MAP3K5: variants seen among roughly 807,000 people sequenced by gnomAD.
MAP3K5 encodes the protein ASK-1.
MAP3K5 carries 56 observed loss-of-function variants against 158.7 expected under a neutral mutation model. The ratio of observed to expected loss-of-function variants is 0.35; its 90% confidence interval spans 0.28 to 0.44. MAP3K5 has a LOEUF of 0.44. MAP3K5 is among the 20% of genes least tolerant of loss of function. The probability of loss-of-function intolerance (pLI) is 1.00; values close to 1 mark genes in which losing one functional copy is unlikely to be tolerated. For missense variants in MAP3K5, 1,294 were observed against 1,674.8 expected (o/e 0.77, Z 3.97); for synonymous variants, 579 against 601.7 (o/e 0.96, Z 0.55).
intron 3 of MAP3K5, among the ~76,000 whole-genome samples, chr6:136,704,198 A>G (rs531186416): frequency 6.6e-6 from 1 of 152,332 alleles, no homozygotes; most frequent in East Asian, 1.9e-4. Flanking sequence ...ATAGATAAAG[A>G]TATCTATATA....
chr6:136,622,413 C>T (rs1450209232), intron 15 of MAP3K5, among the ~76,000 whole-genome samples: 1 of 152,178 alleles, frequency 6.6e-6, no homozygotes, highest in Non-Finnish European at 1.5e-5. Context: ...CAGCTGCCTC[C>T]CTTGCAACTT....
chr6:136,606,658 T>C (rs1006160862), intron 18 of MAP3K5, among the ~76,000 whole-genome samples: 12 of 152,190 alleles, frequency 7.9e-5, no homozygotes, highest in African/African-American at 2.7e-4. Flanking sequence ...ACAAATAATA[T>C]AGTCAGCAAA....
rs372061069 is a variant in MAP3K5, at chr6:136,651,695, A to G, written c.1681-604T>C. 2.6e-5 allele frequency among the ~76,000 whole-genome samples: 4 copies of G among 152,284 alleles called. No homozygotes were observed. In the East Asian group the frequency reaches 5.8e-4, roughly 22 times the overall value. On this transcript the variant is annotated intron_variant, in intron 10 of 29. Transcript: ENST00000359015. ...GATGAAACTGGCGTCTTCAATAATG[A>G]TACATTTAGCCTTGTAAGAGAAAAA...
At chr6:136,686,710 T>A (rs1407345092) in intron 7 of MAP3K5, among the ~76,000 whole-genome samples, 1 of 152,046 alleles carries the variant, frequency 6.6e-6, no homozygotes, top group Admixed American at 6.5e-5. Context: ...GGAATACAAT[T>A]TACAAGGGAT....
At chr6:136,718,138 T>C (rs1219647281) in intron 2 of MAP3K5, among the ~76,000 whole-genome samples, 1 of 152,200 alleles carries the variant, frequency 6.6e-6, no homozygotes, top group Non-Finnish European at 1.5e-5. Flanking sequence ...CTTCGGTTTG[T>C]GATACTAAAA....
intron 1 of MAP3K5, among the ~76,000 whole-genome samples, chr6:136,757,185 C>T (rs560089304): frequency 4.4e-4 from 67 of 152,310 alleles, no homozygotes; most frequent in African/African-American, 1.0e-3. Context: ...GCAAGAGCCA[C>T]GTGCAATAAT....
chr6:136,622,489 T>C (rs1026188821), intron 15 of MAP3K5, among the ~76,000 whole-genome samples: 5 of 152,190 alleles, frequency 3.3e-5, no homozygotes. Context: ...TAAGATGGAA[T>C]GACAACTTCC....
At chr6:136,792,987 C>A (rs866393079), upstream of MAP3K5, among the ~76,000 whole-genome samples, 2 of 152,282 alleles carry the variant, frequency 1.3e-5, no homozygotes, top group South Asian at 4.1e-4. The surrounding 1 kb of genome is among the most constrained non-coding windows in gnomAD (Gnocchi z 5.7). Context: ...CTGAGTGCTG[C>A]GCGTGGCATA....
At chr6:136,776,946 T>C (rs962176903) in intron 1 of MAP3K5, among the ~76,000 whole-genome samples, 2 of 152,224 alleles carry the variant, frequency 1.3e-5, no homozygotes, top group African/African-American at 4.8e-5. Context: ...ATTTAATGGC[T>C]AAATGAGTTT....
intron 7 of MAP3K5, among the ~76,000 whole-genome samples, chr6:136,681,504 A>G (rs1201309912): frequency 3.9e-5 from 6 of 152,166 alleles, no homozygotes; most frequent in African/African-American, 1.4e-4. Context: ...GTGGTGGTGC[A>G]CATCAGTAGT....
At chr6:136,655,309 A>G (rs1458394903) in intron 10 of MAP3K5, among the ~76,000 whole-genome samples, 1 of 152,210 alleles carries the variant, frequency 6.6e-6, no homozygotes, top group Non-Finnish European at 1.5e-5. Context: ...TAAGGTAAGT[A>G]TTTTCCTAGG....
At position 136,613,589 on chromosome 6, in the gene MAP3K5, C is replaced by G. The variant is rs984401090; in HGVS notation, c.2279-333G>C. ...CTTCTAGAACTTTAAATTATTTGAG[C>G]CTTATTATTTAAGGAATGTGACTTT... is the stretch of plus-strand genomic sequence containing the variant. On this transcript the variant is annotated intron_variant, in intron 16 of 29. Transcript: ENST00000359015. The surrounding 1 kb of genome is among the most constrained non-coding windows in gnomAD (Gnocchi z 4.0). 5.9e-5 allele frequency among the ~76,000 whole-genome samples: 9 copies of G among 151,910 alleles called. No individual in the cohort carries two copies. Among genetic ancestry groups the G allele is most frequent in the African/African-American group, 2.2e-4 (9 of 41,346 alleles).
chr6:136,605,180 A>C, intron 19 of MAP3K5, 29 bp downstream of exon 19: 1 of 1,604,640 alleles, frequency 6.2e-7, no homozygotes, highest in Non-Finnish European at 8.5e-7. Flanking sequence ...AGCTTTATCC[A>C]TTTGTTTTTA....
chr6:136,665,348 A>AT (rs11421136), intron 8 of MAP3K5, among the ~76,000 whole-genome samples: 42,963 of 141,966 alleles, frequency 0.3, 6,817 homozygotes, highest in African/African-American at 0.42. Flanking sequence ...GAAGAGCTGT[A>AT]TTTTTTTTTT....
intron 27 of MAP3K5, 139 bp from the exon 28 acceptor site, chr6:136,561,784 G>A (rs1830525992): frequency 1.8e-6 from 1 of 568,646 alleles, no homozygotes; most frequent in Admixed American, 3.0e-5. Context: ...AATTGAGATT[G>A]GCAGTATAGA....
At chr6:136,750,645 C>T (rs1783165958) in intron 1 of MAP3K5, among the ~76,000 whole-genome samples, 1 of 152,164 alleles carries the variant, frequency 6.6e-6, no homozygotes, top group South Asian at 2.1e-4. Context: ...TTTTTGAAAG[C>T]ATTTCTGAAT....
chr6:136,589,184 A>C (rs1301006156), intron 23 of MAP3K5, among the ~76,000 whole-genome samples: 1 of 152,238 alleles, frequency 6.6e-6, no homozygotes, highest in Non-Finnish European at 1.5e-5. Context: ...GAGAACAGGT[A>C]AACTGTTGTA....
chr6:136,623,791 G>A (rs9376217), intron 14 of MAP3K5, among the ~76,000 whole-genome samples: 10,264 of 152,242 alleles, frequency 0.067, 1,012 homozygotes, highest in African/African-American at 0.22. Flanking sequence ...ACCCCTGGGA[G>A]AGAACATTAG....
At chr6:136,704,046 G>A (rs1362349885) in intron 3 of MAP3K5, among the ~76,000 whole-genome samples, 4 of 151,172 alleles carry the variant, frequency 2.6e-5, no homozygotes, top group African/African-American at 9.9e-5. Flanking sequence ...TCTTCTTCAC[G>A]CAGCATTTTT....
Sources: allele counts gnomAD v4.1 joint callset (sites outside exome capture counted in the v4.1 genomes callset), GRCh38; gene constraint gnomAD v4.1.1; non-coding constraint Gnocchi (gnomAD v3.1); transcripts MANE v1.5; gene names NCBI Gene and HGNC (gene_info 2026-07-23, HGNC 2026-07-21).